The following TYW1B variants were observed in gnomAD, a reference collection of about 807,000 sequenced individuals.
TYW1B encodes the protein tRNA-yW synthesizing protein 1 homolog B, also known as S-adenosyl-L-methionine-dependent tRNA 4-demethylwyosine synthase TYW1B.
In TYW1B, 73 loss-of-function variants were observed where a neutral mutation model predicts 86.9. The observed-to-expected ratio is 0.84, with a 90% CI of 0.70 to 1.02. The LOEUF is 1.02. Among genes scored for constraint, TYW1B ranks in the 50% least tolerant of loss-of-function variants. TYW1B has a pLI of 0.00. For synonymous variants in TYW1B, 248 were observed against 292.8 expected, an observed-to-expected ratio of 0.85 and a Z score of 1.56; for missense variants, 637 against 827.4, an observed-to-expected ratio of 0.77 and a Z score of 2.82.
intron 9 of TYW1B, among the ~76,000 whole-genome samples, chr7:72,724,036 T>C (rs1226245125): frequency 6.6e-6 from 1 of 151,592 alleles, no homozygotes. Flanking sequence ...AGATTTACTA[T>C]GACTATTATA....
rs533799499 is a variant in TYW1B, at chr7:72,818,096, C to CACATCTCT, written c.136-2623_136-2616dup. On this transcript the variant is annotated intron_variant, in intron 2 of 13. Coordinates refer to ENST00000620995, the MANE Select transcript of TYW1B (RefSeq NM_001145440.3). ...GCTGTTAAAAAAAAAAAAAAAGCCT[C>CACATCTCT]ACATCTCTCCCTACTCCTTTGCTCC... Among the ~76,000 whole-genome samples the CACATCTCT allele has an allele frequency of 6.7e-4, 102 of 151,228 alleles. 1 individual carries two copies. Among genetic ancestry groups the CACATCTCT allele is most frequent in the African/African-American group, 2.4e-3 (100 of 41,240 alleles).
intron 11 of TYW1B, among the ~76,000 whole-genome samples, chr7:72,663,744 A>C (rs11974231): frequency 3.0e-5 from 4 of 131,912 alleles, no homozygotes; most frequent in Non-Finnish European, 6.3e-5. Flanking sequence ...AGCCTGGGAG[A>C]CAGCAAGACT....
chr7:72,617,689 C>A (rs572624395), intron 12 of TYW1B, among the ~76,000 whole-genome samples: 9 of 152,300 alleles, frequency 5.9e-5, no homozygotes, highest in Admixed American at 2.0e-4. Flanking sequence ...TTAAGGAGTT[C>A]ATTTTGTAAT....
chr7:72,756,745 G>A (rs1554466218), intron 7 of TYW1B, among the ~76,000 whole-genome samples: 1 of 152,106 alleles, frequency 6.6e-6, no homozygotes. Flanking sequence ...TCAGGTACCT[G>A]ATAAAGAGCC....
chr7:72,729,828 AC>A (rs1167765504), intron 8 of TYW1B, among the ~76,000 whole-genome samples: 1 of 152,130 alleles, frequency 6.6e-6, no homozygotes, highest in Non-Finnish European at 1.5e-5. Context: ...CAGCAGAGCT[AC>A]CAGAAATAGC....
intron 5 of TYW1B, among the ~76,000 whole-genome samples, chr7:72,806,442 G>A (rs1554476711): frequency 6.6e-6 from 1 of 152,006 alleles, no homozygotes; most frequent in Non-Finnish European, 1.5e-5. Flanking sequence ...CGCCATGTTG[G>A]CCAGCATGGT....
chr7:72,655,295 T>C (rs1813172352), intron 11 of TYW1B, among the ~76,000 whole-genome samples: 1 of 152,074 alleles, frequency 6.6e-6, no homozygotes, highest in African/African-American at 2.4e-5. Flanking sequence ...CCCTCAGCTC[T>C]CACAAGCCCT....
chr7:72,716,956 G>T (rs1554456237), intron 9 of TYW1B, among the ~76,000 whole-genome samples: 1 of 151,402 alleles, frequency 6.6e-6, no homozygotes, highest in East Asian at 2.0e-4. Flanking sequence ...TCACAAACAG[G>T]GCAGTCCAGT....
At chr7:72,745,329 T>C (rs1787375588) in intron 7 of TYW1B, among the ~76,000 whole-genome samples, 1 of 152,142 alleles carries the variant, frequency 6.6e-6, no homozygotes, top group African/African-American at 2.4e-5. Context: ...TGCCCAGCCC[T>C]GGAGCATACA....
chr7:72,630,981 T>G (rs1554439720), intron 11 of TYW1B, among the ~76,000 whole-genome samples: 1 of 152,012 alleles, frequency 6.6e-6, no homozygotes, highest in African/African-American at 2.4e-5. Context: ...TATTAGGCTA[T>G]ACAGTAATAT....
chr7:72,613,401 CTTTT>C (rs71517349), intron 13 of TYW1B, among the ~76,000 whole-genome samples: 1 of 80,966 alleles, frequency 1.2e-5, no homozygotes, highest in Admixed American at 1.7e-4. Context: ...TTTATATCTT[CTTTT>C]TTTTTTTTTT....
chr7:72,815,839 C>A lies in TYW1B; in HGVS notation c.136-358G>T, dbSNP rs1435089854. On this transcript the variant is annotated intron_variant, in intron 2 of 13. Transcript: ENST00000620995. ...AGGACCACTTGAGGCCAAGCCTGGG[C>A]AACAAAGTGAGACCTCATCTTTATA... 2.0e-5 allele frequency among the ~76,000 whole-genome samples: 3 copies of A among 152,060 alleles called. No homozygotes were observed. The East Asian group carries it at 5.8e-4, about 30-fold the overall frequency.
intron 11 of TYW1B, among the ~76,000 whole-genome samples, chr7:72,679,146 G>A (rs547022062): frequency 1.2e-3 from 178 of 152,208 alleles, no homozygotes; most frequent in African/African-American, 3.5e-3. Flanking sequence ...CCAAGTATTC[G>A]TGAGGATAGA....
At position 72,740,438 on chromosome 7, in the gene TYW1B, C is replaced by A. The variant is rs188392281; in HGVS notation, c.1082+4046G>T. Among the ~76,000 whole-genome samples the A allele has an allele frequency of 3.9e-3, 564 of 144,280 alleles. 2 individuals are homozygous for A. The highest frequency in any genetic ancestry group is 0.01 in the South Asian group (47 of 4,572). 94.7% of individuals were successfully genotyped at this position (144,280 alleles called of 152,430 possible). On this transcript the variant is annotated intron_variant, in intron 8 of 13. Transcript: ENST00000620995. ...AAAAAGCGAAAGAAATGTTCCAAGACAGAGTCAATCTGCAAAGACTGGGAG... is the reference window on the plus strand; with the variant it reads ...AAAAAGCGAAAGAAATGTTCCAAGAAAGAGTCAATCTGCAAAGACTGGGAG...
Position 72,613,854 on chromosome 7 carries a change from A to G in TYW1B, c.1785+2818T>C, listed in dbSNP as rs568673939. ...GATTAAAGTCATGTATCAGTTTACA[A>G]TTTTGAAGTTGATAACTGTATCGTG... On this transcript the variant is annotated intron_variant, in intron 13 of 13. Transcript: ENST00000620995. Among the ~76,000 whole-genome samples the G allele has an allele frequency of 6.6e-5, 10 of 152,254 alleles. No homozygotes were observed. The East Asian group carries it at 1.5e-3, about 23-fold the overall frequency.
chr7:72,725,858 GTC>G (rs1403344295), intron 9 of TYW1B, among the ~76,000 whole-genome samples: 1 of 151,886 alleles, frequency 6.6e-6, no homozygotes. Flanking sequence ...CTCAATCTCA[GTC>G]TCTCTGTCTC....
intron 7 of TYW1B, among the ~76,000 whole-genome samples, chr7:72,750,606 C>G (rs1407701700): frequency 6.6e-6 from 1 of 152,118 alleles, no homozygotes; most frequent in Non-Finnish European, 1.5e-5. Context: ...TGATGTCTTT[C>G]ATCAAATTTG....
intron 8 of TYW1B, among the ~76,000 whole-genome samples, chr7:72,738,110 T>C (rs1164455313): frequency 1.8e-5 from 2 of 113,390 alleles, no homozygotes; most frequent in East Asian, 2.7e-4. Flanking sequence ...TTGAGGAGTC[T>C]CGCACAGTCA....
rs540553289 is a variant in TYW1B, at chr7:72,770,441, A to G, written c.964+6975T>C. Among the ~76,000 whole-genome samples, 8 of 150,684 alleles carry G rather than the reference A, an allele frequency of 5.3e-5. 1 individual carries two copies. Among genetic ancestry groups the G allele is most frequent in the South Asian group, 4.2e-4 (2 of 4,758 alleles). ...AGACTCCGTCTCAAAAAAAAAAAAA[A>G]AAAAAGAAAAAAGAAAAAACACAAT... is the stretch of plus-strand genomic sequence containing the variant. On this transcript the variant is annotated intron_variant, in intron 7 of 13. Transcript: ENST00000620995.
Sources: allele counts gnomAD v4.1 joint callset (sites outside exome capture counted in the v4.1 genomes callset), GRCh38; gene constraint gnomAD v4.1.1; transcripts MANE v1.5; gene names NCBI Gene and HGNC (gene_info 2026-07-23, HGNC 2026-07-21).